Variants in COL4A6 observed in about 807,000 individuals in gnomAD.
COL4A6 encodes the protein collagen type IV alpha 6 chain.
Under a neutral mutation model 126.7 loss-of-function variants are expected in COL4A6, and 59 were observed. The ratio of observed to expected loss-of-function variants is 0.47; its 90% CI spans 0.38 to 0.58. The LOEUF is 0.58. Ranked by LOEUF, COL4A6 falls within the 20% of genes least tolerant of loss-of-function variation. COL4A6 has a pLI of 0.00. For synonymous variants in COL4A6, 547 were observed against 496.6 expected (o/e 1.10, Z -1.35); for missense variants, 1,285 against 1,337.3 (o/e 0.96, Z 0.61).
chrX:108,397,783 T>C (rs972787040), intron 2 of COL4A6, among the ~76,000 whole-genome samples: 2 of 111,935 alleles, frequency 1.8e-5, no homozygotes, highest in African/African-American at 6.5e-5. Context: ...GTCCTTGCTG[T>C]AGTGTTGTCC....
chrX:108,183,448 G>A lies in COL4A6; in HGVS notation c.1952-2480C>T, dbSNP rs142992465. Among the ~76,000 whole-genome samples, 116 of 111,510 alleles carry A rather than the reference G, an allele frequency of 1.0e-3. 5 individuals are homozygous for A. The East Asian group carries it at 0.032, about 31-fold the overall frequency. ...TTTGCTTAAGGTAGAGATCAGCCAAGCTATCGACATGCATGGTGAAGGAAA... is the reference window on the plus strand; with the variant it reads ...TTTGCTTAAGGTAGAGATCAGCCAAACTATCGACATGCATGGTGAAGGAAA... On this transcript the variant is annotated intron_variant, in intron 23 of 44. Coordinates refer to ENST00000334504, the MANE Select transcript of COL4A6 (RefSeq NM_033641.4).
At chrX:108,209,117 T>C (rs1479199736) in intron 8 of COL4A6, among the ~76,000 whole-genome samples, 1 of 112,358 alleles carries the variant, frequency 8.9e-6, no homozygotes, top group Non-Finnish European at 1.9e-5. Flanking sequence ...ATCTCTGTTT[T>C]TGTGTGTGCT....
chrX:108,208,631 T>A (rs2035614736), intron 8 of COL4A6, among the ~76,000 whole-genome samples: 1 of 111,762 alleles, frequency 8.9e-6, no homozygotes, highest in Admixed American at 9.5e-5. Flanking sequence ...AATTTTTGAA[T>A]CAAATAACAA....
rs139800214 is a variant in COL4A6 at position 108,363,601 on chromosome X, G to A, written c.64-52773C>T. The stretch of plus-strand genomic sequence containing the variant: ...AGCACAATTGTTTTTCTTCACAGCT[G>A]CAAGTTTATAACAAAACCATGTGCA... On this transcript the variant is annotated intron_variant, in intron 2 of 44. Transcript: ENST00000334504. Among the ~76,000 whole-genome samples, 260 of 112,174 alleles carry A rather than the reference G, an allele frequency of 2.3e-3. 6 individuals are homozygous for A. The East Asian group carries it at 0.061, about 26-fold the overall frequency.
Position 108,174,388 on chromosome X carries a change from G to A in COL4A6, c.3138+52C>T, listed in dbSNP as rs1433985268. 3.8e-5 allele frequency: 44 copies of A among 1,155,822 alleles called. 1 individual carries two copies. The highest frequency in any genetic ancestry group is 2.4e-4 in the Middle Eastern group (1 of 4,222). ...AGGTGGGCAGTGGGGGTATATCCCCGTGAGATGGGGGGCCTTTTCTGGTAT... is the reference window on the plus strand; with the variant it reads ...AGGTGGGCAGTGGGGGTATATCCCCATGAGATGGGGGGCCTTTTCTGGTAT... On this transcript the variant is annotated intron_variant, in intron 31 of 44. Coordinates refer to ENST00000334504, the MANE Select transcript of COL4A6 (RefSeq NM_033641.4).
chrX:108,167,860 TAAG>T (rs2034180410), intron 37 of COL4A6, among the ~76,000 whole-genome samples: 1 of 112,262 alleles, frequency 8.9e-6, no homozygotes, highest in Non-Finnish European at 1.9e-5. Context: ...CCACTCAACT[TAAG>T]AAGATGTCAC....
At chrX:108,414,940 A>G (rs1393402430) in intron 2 of COL4A6, among the ~76,000 whole-genome samples, 5 of 112,165 alleles carry the variant, frequency 4.5e-5, no homozygotes, top group Non-Finnish European at 7.5e-5. Flanking sequence ...AGGATTTCAG[A>G]TAAATGTAAG....
At chrX:108,426,158 T>A (rs1019777340) in intron 2 of COL4A6, among the ~76,000 whole-genome samples, 1 of 112,126 alleles carries the variant, frequency 8.9e-6, no homozygotes, top group African/African-American at 3.2e-5. Flanking sequence ...CTAGGCATTT[T>A]AAATTTTCTT....
At chrX:108,236,581 C>T (rs2036435451) in intron 3 of COL4A6, among the ~76,000 whole-genome samples, 1 of 111,462 alleles carries the variant, frequency 9.0e-6, no homozygotes, top group Non-Finnish European at 1.9e-5. Flanking sequence ...GTGCCTGATA[C>T]TAACCAATAA....
intron 2 of COL4A6, among the ~76,000 whole-genome samples, chrX:108,397,986 C>T (rs773705697): frequency 8.9e-6 from 1 of 112,804 alleles, no homozygotes; most frequent in South Asian, 3.6e-4. Context: ...GTTCTTTTTA[C>T]ACTCAAGACC....
intron 2 of COL4A6, among the ~76,000 whole-genome samples, chrX:108,402,386 G>A (rs1054244161): frequency 1.8e-5 from 2 of 110,690 alleles, no homozygotes; most frequent in Admixed American, 9.6e-5. Context: ...TATTATTTGC[G>A]ACATTTTTTC....
chrX:108,245,815 C>T (rs375504992), intron 3 of COL4A6, among the ~76,000 whole-genome samples: 3 of 111,773 alleles, frequency 2.7e-5, no homozygotes, highest in East Asian at 5.6e-4. Context: ...AGATGCAACT[C>T]AAATGAATTC....
At chrX:108,390,934 C>T (rs2040822439) in intron 2 of COL4A6, among the ~76,000 whole-genome samples, 2 of 111,242 alleles carry the variant, frequency 1.8e-5, no homozygotes, top group Admixed American at 9.6e-5. Flanking sequence ...TGATACTATT[C>T]CTTTCTGTTT....
intron 27 of COL4A6, among the ~76,000 whole-genome samples, chrX:108,178,355 G>A (rs2034563266): frequency 8.9e-6 from 1 of 112,311 alleles, no homozygotes; most frequent in Non-Finnish European, 1.9e-5. Flanking sequence ...TGAAGGCATG[G>A]AGATGGACTA....
In COL4A6 at chrX:108,156,835, G is replaced by A. The variant is rs929668944; in HGVS notation, c.*165C>T. The A allele has an allele frequency of 1.2e-5, 6 of 521,687 alleles. No homozygotes were observed. Among genetic ancestry groups the A allele is most frequent in the African/African-American group, 4.7e-5 (2 of 42,423 alleles). The allele number at this position is 521,687 out of a possible 1,213,427, so 43.0% of individuals were successfully genotyped here. On this transcript the variant is annotated 3_prime_UTR_variant, in exon 45 of 45. Coordinates refer to ENST00000334504, the MANE Select transcript of COL4A6 (RefSeq NM_033641.4). ...AGGGTGGGCTCATCTCTATGGACCCGAGGGCTGGGGTGACGAGTGTCCGGT... is the reference window on the plus strand; with the variant it reads ...AGGGTGGGCTCATCTCTATGGACCCAAGGGCTGGGGTGACGAGTGTCCGGT...
chrX:108,304,566 T>C (rs769351768), intron 3 of COL4A6, among the ~76,000 whole-genome samples: 3 of 111,937 alleles, frequency 2.7e-5, no homozygotes, highest in Non-Finnish European at 1.9e-5. Flanking sequence ...GGAAACAACG[T>C]CACAAAGAAA....
chrX:108,275,301 T>G (rs1266770), intron 3 of COL4A6, among the ~76,000 whole-genome samples: 3,062 of 111,668 alleles, frequency 0.027, 55 homozygotes, highest in Non-Finnish European at 0.044. Flanking sequence ...ATAAGATACT[T>G]TCAACTATGT....
intron 3 of COL4A6, among the ~76,000 whole-genome samples, chrX:108,261,676 T>C (rs2037166661): frequency 9.0e-6 from 1 of 111,486 alleles, no homozygotes; most frequent in African/African-American, 3.3e-5. Context: ...CACAACACAC[T>C]TGTATTTCAG....
chrX:108,178,617 C>G, intron 27 of COL4A6, 67 bp downstream of exon 27: 1 of 1,108,204 alleles, frequency 9.0e-7, no homozygotes, highest in South Asian at 2.1e-5. Flanking sequence ...ATTGCCCCCC[C>G]AGGGCATCTG....
Sources: allele counts gnomAD v4.1 joint callset (sites outside exome capture counted in the v4.1 genomes callset), GRCh38; gene constraint gnomAD v4.1.1; transcripts MANE v1.5; gene names NCBI Gene and HGNC (gene_info 2026-07-23, HGNC 2026-07-21).